Variants in RNF213 observed in about 807,000 individuals in gnomAD.
RNF213 encodes the protein ring finger protein 213.
RNF213 carries 341 observed loss-of-function variants against 514.4 expected under a neutral mutation model. That is an observed-to-expected ratio of 0.66 (90% CI 0.61 to 0.73). The LOEUF is 0.73. Ranked by LOEUF, RNF213 falls within the 30% of genes least tolerant of loss-of-function variation. RNF213 has a pLI of 0.00. For missense variants in RNF213, 5,767 were observed against 6,615.6 expected (o/e 0.87, Z 4.45); for synonymous variants, 2,655 against 2,658.2 (o/e 1.00, Z 0.04).
chr17:80,390,994 G>A (rs1402876300), intron 67 of RNF213, among the ~76,000 whole-genome samples: 1 of 152,056 alleles, frequency 6.6e-6, no homozygotes, highest in Non-Finnish European at 1.5e-5. Flanking sequence ...CCTGGGAGGT[G>A]GAGATTGCAG....
intron 29 of RNF213, among the ~76,000 whole-genome samples, chr17:80,348,575 C>T (rs1335463045): frequency 6.6e-6 from 1 of 152,264 alleles, no homozygotes; most frequent in East Asian, 1.9e-4. Context: ...TAGGGACGCA[C>T]AGATGAATCT....
rs1599235027 is a variant in RNF213 at position 80,395,220 on chromosome 17, T to TA, written c.*1723dup. 6.7e-6 allele frequency: 1 copy of TA among 150,066 alleles called. No individual in the cohort carries two copies. The highest frequency in any genetic ancestry group is 1.9e-4 in the East Asian group (1 of 5,166). 9.3% of individuals were successfully genotyped at this position (150,066 alleles called of 1,614,324 possible). A position where few individuals can be genotyped will look rare whatever the true frequency, so the allele number is the denominator to read the frequency against. On this transcript the variant is annotated 3_prime_UTR_variant, in exon 68 of 68. Transcript: ENST00000582970. ...TTGCATTATCTTGTTTGTACAGAAA[T>TA]ATACTGGCCTAGCAGAGGCAAAAAA...
At chr17:80,365,983 G>T (rs1720073954) in intron 42 of RNF213, among the ~76,000 whole-genome samples, 1 of 152,232 alleles carries the variant, frequency 6.6e-6, no homozygotes, top group Non-Finnish European at 1.5e-5. Context: ...TGGGTTTCTG[G>T]TTTATTTCCT....
At chr17:80,301,049 CAG>C (rs1303706075) in intron 11 of RNF213, among the ~76,000 whole-genome samples, 1 of 151,978 alleles carries the variant, frequency 6.6e-6, no homozygotes. Context: ...ACACCTTTGT[CAG>C]ATGCATATTT....
chr17:80,281,566 C>CATAT (rs1568006746), intron 3 of RNF213, among the ~76,000 whole-genome samples: 2 of 57,518 alleles, frequency 3.5e-5, no homozygotes, highest in Non-Finnish European at 4.4e-5. Flanking sequence ...AAGACAAACG[C>CATAT]CCCACTCACA....
At chr17:80,376,589 C>G (rs1373366568) in intron 52 of RNF213, 46 bp downstream of exon 52, 2 of 1,612,672 alleles carry the variant, frequency 1.2e-6, no homozygotes, top group African/African-American at 1.3e-5. Flanking sequence ...GAACACCCCC[C>G]AGAGCTTGTC....
chr17:80,274,954 G>T, intron 3 of RNF213, among the ~76,000 whole-genome samples: 1 of 87,842 alleles, frequency 1.1e-5, no homozygotes. Flanking sequence ...TGTGAGTGGG[G>T]GGTGTGTGTG....
At chr17:80,328,650 T>C (rs2046339074) in intron 20 of RNF213, among the ~76,000 whole-genome samples, 173 bp downstream of exon 20, 1 of 152,180 alleles carries the variant, frequency 6.6e-6, no homozygotes, top group South Asian at 2.1e-4. Flanking sequence ...TTCTTCTTTT[T>C]GGTATTTATG....
intron 32 of RNF213, chr17:80,352,445 G>A (rs1405435354): frequency 1.5e-5 from 6 of 406,384 alleles, no homozygotes; most frequent in East Asian, 4.6e-5. Flanking sequence ...CCTGTTTGGC[G>A]GGGAGGGAGA....
Position 80,291,815 on chromosome 17 carries a change from C to T in RNF213, c.1459C>T (p.Leu487=), listed in dbSNP as rs776581504. ...CTGTCTGTTCATAAAATCTTCACTTCTGGGCTCAGGAGGTAAGTCGTGGCA... is the reference window on the plus strand; with the variant it reads ...CTGTCTGTTCATAAAATCTTCACTTTTGGGCTCAGGAGGTAAGTCGTGGCA... ...NRCLFIKSSL[L]GSGDWHQYYD... is the part of the protein sequence containing the mutation. The change falls in exon 8 of 68, where the codon CTG becomes TTG. Residue 487 remains leucine (L), a synonymous_variant. Coordinates refer to ENST00000582970, the MANE Select transcript of RNF213 (RefSeq NM_001256071.3). 1.2e-6 allele frequency: 2 copies of T among 1,614,210 alleles called. No homozygotes were observed. Among genetic ancestry groups the T allele is most frequent in the African/African-American group, 1.3e-5 (1 of 75,056 alleles).
chr17:80,328,822 A>G (rs78890172), intron 20 of RNF213, among the ~76,000 whole-genome samples: 1 of 152,206 alleles, frequency 6.6e-6, no homozygotes, highest in Admixed American at 6.5e-5. Flanking sequence ...CTGTTTTCTC[A>G]TAACGGAGTT....
At position 80,350,374 on chromosome 17, in the gene RNF213, GC is replaced by G. The variant is rs2078462908; in HGVS notation, c.10165del (p.Gln3389SerfsTer11). The G allele has an allele frequency of 6.2e-7, 1 of 1,609,342 alleles. No homozygotes were observed. Among genetic ancestry groups the G allele is most frequent in the Admixed American group, 1.7e-5 (1 of 59,980 alleles). ...AGATTTTGAAGATGGAATCCGTAGC[GC>G]CCAGCTCATTGCCTCAGCTAAGTAT... is the stretch of plus-strand genomic sequence containing the variant. ...QTDFEDGIRS[A>X]QLIASAKYSV... On this transcript the variant is annotated frameshift_variant, in exon 31 of 68. Transcript: ENST00000582970. LOFTEE classifies it high-confidence loss of function.
At chr17:80,360,425 G>C in intron 38 of RNF213, 1 of 584,570 alleles carries the variant, frequency 1.7e-6, no homozygotes, top group Non-Finnish European at 3.1e-6. Flanking sequence ...GAAACCTTTC[G>C]ATCCTATGGC....
At chr17:80,356,041 G>A (rs556606500) in intron 36 of RNF213, among the ~76,000 whole-genome samples, 21 of 148,446 alleles carry the variant, frequency 1.4e-4, no homozygotes, top group African/African-American at 2.5e-4. Flanking sequence ...TCACTCTGTC[G>A]CCCAGGCTGG....
chr17:80,303,176 T>C (rs1598962604), intron 11 of RNF213, among the ~76,000 whole-genome samples: 1 of 152,138 alleles, frequency 6.6e-6, no homozygotes, highest in Non-Finnish European at 1.5e-5. Context: ...AGGCAGGCAG[T>C]TAATACATCA....
chr17:80,319,078 G>A, intron 16 of RNF213, 112 bp from the exon 17 acceptor site: 1 of 1,604,518 alleles, frequency 6.2e-7, no homozygotes, highest in African/African-American at 1.3e-5. Context: ...TTAAAATTGG[G>A]GGAAACAGTA....
rs889658349 is a variant in RNF213, at chr17:80,264,585, T to C, written c.97+807T>C. Reference sequence around the variant, plus strand: ...GGTGAGGGCACCTCATTCTTCCAGCTGCTTCTATCGGACCCATCACCCCGG... The same window carrying C: ...GGTGAGGGCACCTCATTCTTCCAGCCGCTTCTATCGGACCCATCACCCCGG... On this transcript the variant is annotated intron_variant, in intron 2 of 67. Transcript: ENST00000582970. The surrounding 1 kb of genome is among the most constrained non-coding windows in gnomAD (Gnocchi z 5.0). Among the ~76,000 whole-genome samples, 2 of 152,124 alleles carry C rather than the reference T, an allele frequency of 1.3e-5. No individual in the cohort carries two copies. The highest frequency in any genetic ancestry group is 4.8e-5 in the African/African-American group (2 of 41,436).
intron 49 of RNF213, 32 bp downstream of exon 49, chr17:80,373,197 TGCACCCCC>T: frequency 6.3e-7 from 1 of 1,592,162 alleles, no homozygotes; most frequent in Non-Finnish European, 8.5e-7. Flanking sequence ...CACACAAACA[TGCACCCCC>T]ACAGCCCCAT....
chr17:80,277,077 A>C (rs531395708), intron 3 of RNF213, among the ~76,000 whole-genome samples: 24 of 151,966 alleles, frequency 1.6e-4, no homozygotes, highest in East Asian at 5.8e-4. Context: ...AACAAACCAA[A>C]AAAAAAACAA....
Sources: gnomAD v4.1 joint callset for allele counts (sites outside exome capture counted in the v4.1 genomes callset) on GRCh38, gnomAD v4.1.1 for gene constraint, Gnocchi (gnomAD v3.1) non-coding constraint, MANE v1.5 for transcripts, NCBI Gene and HGNC (gene_info 2026-07-23, HGNC 2026-07-21) for gene names.